Variants in NUDC observed in about 807,000 individuals in gnomAD.
NUDC encodes the protein nuclear migration protein nudC.
A neutral mutation model predicts 45.0 loss-of-function variants in NUDC; 14 were observed. That is an observed-to-expected ratio of 0.31 (90% CI 0.21 to 0.49). NUDC has a LOEUF of 0.49. Ranked by LOEUF, NUDC falls within the 20% of genes least tolerant of loss-of-function variation. The pLI is 0.99. For synonymous variants in NUDC, 153 were observed against 156.7 expected, an observed-to-expected ratio of 0.98 and a Z score of 0.17; for missense variants, 323 against 426.2, an observed-to-expected ratio of 0.76 and a Z score of 2.13.
intron 2 of NUDC, among the ~76,000 whole-genome samples, chr1:26,909,712 G>A (rs2082017385): frequency 6.6e-6 from 1 of 152,112 alleles, no homozygotes; most frequent in Non-Finnish European, 1.5e-5. Context: ...TTGAAAGAGT[G>A]GTCTCATGTG....
chr1:26,922,160 G>C (rs777723794), intron 1 of NUDC: 33 of 588,032 alleles, frequency 5.6e-5, no homozygotes, highest in Non-Finnish European at 1.0e-4. Context: ...TCGCATCCCT[G>C]AGCTTAGGAT....
chr1:26,939,791 G>C (rs180959591), intron 2 of NUDC, among the ~76,000 whole-genome samples: 11 of 152,210 alleles, frequency 7.2e-5, no homozygotes, highest in African/African-American at 2.4e-4. Context: ...CTGGAGTGGG[G>C]CTTAAGATTT....
At position 26,921,768 on chromosome 1, in the gene NUDC, T is replaced by G; in HGVS notation, c.-81T>G. On this transcript the variant is annotated 5_prime_UTR_variant, in exon 1 of 9. Coordinates refer to ENST00000321265, the MANE Select transcript of NUDC (RefSeq NM_006600.4). ...GCGGAAGGCGGACGACTAGAGTCGT[T>G]GGGCCCGGCGCGACCCGCAGGAGCG... 3 of 1,452,610 alleles carry G rather than the reference T, an allele frequency of 2.1e-6. No individual in the cohort carries two copies. Among genetic ancestry groups the G allele is most frequent in the Non-Finnish European group, 1.9e-6 (2 of 1,061,576 alleles). 90.0% of individuals were successfully genotyped at this position (1,452,610 alleles called of 1,614,324 possible). A position where few individuals can be genotyped will look rare whatever the true frequency, so the allele number is the denominator to read the frequency against.
At position 26,916,125 on chromosome 1, in the gene NUDC, G is replaced by A. The variant is rs1051071375; in HGVS notation, c.93+4890G>A. Among the ~76,000 whole-genome samples the A allele has an allele frequency of 2.6e-5, 4 of 151,588 alleles. No homozygotes were observed. The South Asian group carries it at 6.3e-4, about 24-fold the overall frequency. On this transcript the variant is annotated intron_variant, in intron 3 of 6. Coordinates refer to the NUDC transcript ENST00000435827. Reference sequence around the variant, plus strand: ...TACACACTCGGTTACGGTGGCTCACGCCTGTAATCACAGCACTTTGGGAAG... The same window carrying A: ...TACACACTCGGTTACGGTGGCTCACACCTGTAATCACAGCACTTTGGGAAG...
intron 2 of NUDC, among the ~76,000 whole-genome samples, chr1:26,932,699 T>C (rs1223834017): frequency 6.6e-6 from 1 of 152,168 alleles, no homozygotes; most frequent in African/African-American, 2.4e-5. Flanking sequence ...TAAGACCTCT[T>C]TGCATCTTAG....
rs1471521603 is a variant in NUDC at position 26,912,175 on chromosome 1, GA to G, written c.93+941del. ...CTGGCCCAAGATCTGGGCCATCAGA[GA>G]CACCCCTCTGCCTCCTTTGCTCGGC... On this transcript the variant is annotated intron_variant, in intron 3 of 6. Transcript: ENST00000435827. 6 of 1,530,104 alleles carry G rather than the reference GA, an allele frequency of 3.9e-6. No individual in the cohort carries two copies. The African/African-American group carries it at 8.2e-5, about 21-fold the overall frequency. The allele number at this position is 1,530,104 out of a possible 1,614,324, so 94.8% of individuals were successfully genotyped here. A position where few individuals can be genotyped will look rare whatever the true frequency, so the allele number is the denominator to read the frequency against.
chr1:26,926,617 G>A lies in NUDC; in HGVS notation c.159+2451G>A, dbSNP rs1325973278. 1.4e-5 allele frequency among the ~76,000 whole-genome samples: 2 copies of A among 139,692 alleles called. 1 individual carries two copies. The highest frequency in any genetic ancestry group is 7.1e-3 in the Middle Eastern group (2 of 280). The allele number at this position is 139,692 out of a possible 152,430, so 91.6% of individuals were successfully genotyped here. On this transcript the variant is annotated intron_variant, in intron 2 of 8. Coordinates refer to ENST00000321265, the MANE Select transcript of NUDC (RefSeq NM_006600.4). ...TTATTTTTTCTTTCTTTTTTTTTTT[G>A]ACACGGAGTTTCATGCTTGTTGCCC...
At chr1:26,943,159 T>G (rs2082292827) in intron 6 of NUDC, 94 bp downstream of exon 6, 2 of 1,279,646 alleles carry the variant, frequency 1.6e-6, no homozygotes, top group African/African-American at 2.9e-5. Context: ...CTGGGGGCAT[T>G]GTGGGATTAT....
At chr1:26,916,410 A>C (rs1050074514) in intron 3 of NUDC, among the ~76,000 whole-genome samples, 1 of 151,850 alleles carries the variant, frequency 6.6e-6, no homozygotes, top group African/African-American at 2.4e-5. Context: ...AAAAAACCCC[A>C]CACACAAAAC....
intron 2 of NUDC, among the ~76,000 whole-genome samples, chr1:26,939,857 G>A (rs2082263278): frequency 6.6e-6 from 1 of 152,194 alleles, no homozygotes; most frequent in African/African-American, 2.4e-5. Flanking sequence ...GGAACCCTGT[G>A]ATGTGGACCT....
At chr1:26,938,021 A>G (rs2082248397) in intron 2 of NUDC, among the ~76,000 whole-genome samples, 1 of 152,222 alleles carries the variant, frequency 6.6e-6, no homozygotes, top group Admixed American at 6.5e-5. Context: ...GAAGGCTGGC[A>G]TGGTGGCACA....
chr1:26,940,540 T>C lies in NUDC; in HGVS notation c.160-917T>C, dbSNP rs531121870. ...GCTAACGTGTCCTTTTTGGGTGTGG[T>C]GTCAAGTCTTGCATAGCTGGACTGT... is the stretch of plus-strand genomic sequence containing the variant. On this transcript the variant is annotated intron_variant, in intron 2 of 8. Transcript: ENST00000321265. 3.9e-5 allele frequency among the ~76,000 whole-genome samples: 6 copies of C among 151,976 alleles called. No homozygotes were observed. In the South Asian group the frequency reaches 6.2e-4, roughly 16 times the overall value.
intron 1 of NUDC, among the ~76,000 whole-genome samples, chr1:26,901,994 G>A (rs900143350): frequency 2.6e-5 from 4 of 152,276 alleles, no homozygotes; most frequent in Middle Eastern, 6.8e-3. Flanking sequence ...ATGTTTATCA[G>A]AAGACTTATT....
At position 26,942,657 on chromosome 1, in the gene NUDC, C is replaced by T; in HGVS notation, c.430-3C>T. 1 of 1,614,082 alleles carries T rather than the reference C, an allele frequency of 6.2e-7. No homozygotes were observed. Among genetic ancestry groups the T allele is most frequent in the Non-Finnish European group, 8.5e-7 (1 of 1,180,024 alleles). On this transcript the variant is annotated splice_polypyrimidine_tract_variant and splice_region_variant and intron_variant, in intron 4 of 8. Transcript: ENST00000321265. ...GTAGCTGAGTGTCCCTGATTGTAAG[C>T]AGGATACTGAGGAAGATGAGGAGGA...
In NUDC at chr1:26,945,657, C is replaced by A. The variant is rs753889302; in HGVS notation, c.915C>A (p.Asp305Glu). 3 of 1,613,826 alleles carry A rather than the reference C, an allele frequency of 1.9e-6. No homozygotes were observed. Among genetic ancestry groups the A allele is most frequent in the Non-Finnish European group, 2.5e-6 (3 of 1,179,876 alleles). ...RQKSMGLPTSDEQKKQEILKK... is the reference protein window; with the variant it reads ...RQKSMGLPTSEEQKKQEILKK... ...AGTCCATGGGGCTGCCAACTTCAGACGAACAGAAGAAACAGGAGATTCTGA... is the reference window on the plus strand; with the variant it reads ...AGTCCATGGGGCTGCCAACTTCAGAAGAACAGAAGAAACAGGAGATTCTGA... The change falls in exon 8 of 9, where the codon GAC (aspartate) becomes GAA (glutamate). Residue 305 changes from aspartate to glutamate, a missense_variant. Asp to Glu is a conservative substitution (Grantham distance 45). Around this residue, in one of 3 missense-constraint regions of NUDC, gnomAD observed 54 missense variants for 100.2 expected, o/e 0.54. Coordinates refer to ENST00000321265, the MANE Select transcript of NUDC (RefSeq NM_006600.4).
rs980182227 is a variant in NUDC, at chr1:26,901,435, C to T, written c.-100-847C>T. Among the ~76,000 whole-genome samples, 16 of 135,954 alleles carry T rather than the reference C, an allele frequency of 1.2e-4. No individual in the cohort carries two copies. In the East Asian group the frequency reaches 1.5e-3, roughly 13 times the overall value. 89.2% of individuals were successfully genotyped at this position (135,954 alleles called of 152,430 possible). On this transcript the variant is annotated intron_variant, in intron 1 of 6. Coordinates refer to the NUDC transcript ENST00000435827. ...TTTTTTTTTTTTTGAGATGGAGCCTCGCTCTGTCATCCAGGCTGGAGTGCA... is the reference window on the plus strand; with the variant it reads ...TTTTTTTTTTTTTGAGATGGAGCCTTGCTCTGTCATCCAGGCTGGAGTGCA...
chr1:26,925,636 A>C (rs1186944609), intron 2 of NUDC, among the ~76,000 whole-genome samples: 1 of 150,230 alleles, frequency 6.7e-6, no homozygotes, highest in East Asian at 2.0e-4. Context: ...TCTGTTTTGT[A>C]GTATTGATTC....
At chr1:26,942,389 T>C (rs1261447850) in intron 4 of NUDC, among the ~76,000 whole-genome samples, 1 of 152,222 alleles carries the variant, frequency 6.6e-6, no homozygotes, top group African/African-American at 2.4e-5. Flanking sequence ...CATCTGAGGT[T>C]GGCTGGGTTC....
At chr1:26,903,732 C>T (rs567765492) in intron 2 of NUDC, among the ~76,000 whole-genome samples, 9 of 152,034 alleles carry the variant, frequency 5.9e-5, no homozygotes, top group Admixed American at 3.9e-4. Context: ...AAAAATAAGC[C>T]GGGCGCGGTG....
Sources: allele counts gnomAD v4.1 joint callset (sites outside exome capture counted in the v4.1 genomes callset), GRCh38; gene constraint gnomAD v4.1.1; regional missense constraint gnomAD v4.1.1; transcripts MANE v1.5; gene names NCBI Gene and HGNC (gene_info 2026-07-23, HGNC 2026-07-21).